Variants in ZNRF3 observed in about 807,000 individuals in gnomAD.
ZNRF3 encodes the protein zinc and ring finger 3.
A neutral mutation model predicts 72.5 loss-of-function variants in ZNRF3; 23 were observed. The ratio of observed to expected loss-of-function variants is 0.32; its 90% CI spans 0.23 to 0.45. The LOEUF (loss-of-function observed/expected upper bound fraction) is 0.45, where lower values mean the gene tolerates loss of function less well. ZNRF3 is among the 20% of genes least tolerant of loss of function. The probability of loss-of-function intolerance (pLI) is 1.00; values close to 1 mark genes in which losing one functional copy is unlikely to be tolerated. For synonymous variants in ZNRF3, 610 were observed against 545.3 expected (o/e 1.12, Z -1.65); for missense variants, 1,169 against 1,272.1 (o/e 0.92, Z 1.23).
intron 1 of ZNRF3, chr22:28,917,304 C>CACACACAT (rs1601555072): frequency 3.4e-6 from 1 of 294,698 alleles, no homozygotes; most frequent in African/African-American, 2.4e-5. Context: ...CACACACACA[C>CACACACAT]GACACTAGGT....
chr22:28,977,570 G>A (rs1416248652), intron 1 of ZNRF3, among the ~76,000 whole-genome samples: 1 of 152,156 alleles, frequency 6.6e-6, no homozygotes, highest in Non-Finnish European at 1.5e-5. Flanking sequence ...GTACCACAGC[G>A]ACACCCTACC....
At chr22:29,023,785 A>T (rs1343643135) in intron 2 of ZNRF3, among the ~76,000 whole-genome samples, 1 of 152,214 alleles carries the variant, frequency 6.6e-6, no homozygotes, top group Non-Finnish European at 1.5e-5. Context: ...CAAATGTCCC[A>T]GCCACCTGGT....
At chr22:28,959,114 A>G (rs917914804) in intron 1 of ZNRF3, among the ~76,000 whole-genome samples, 2 of 152,356 alleles carry the variant, frequency 1.3e-5, no homozygotes, top group Middle Eastern at 6.8e-3. Context: ...GTTTTGTTGC[A>G]AAGCTAGAGC....
At chr22:28,974,082 C>T (rs899492412) in intron 1 of ZNRF3, among the ~76,000 whole-genome samples, 6 of 151,982 alleles carry the variant, frequency 3.9e-5, no homozygotes, top group Non-Finnish European at 5.9e-5. Flanking sequence ...CTCAGCCTCC[C>T]GAGTAGCTGG....
At chr22:29,003,557 A>G (rs985194413) in intron 2 of ZNRF3, among the ~76,000 whole-genome samples, 3 of 151,416 alleles carry the variant, frequency 2.0e-5, no homozygotes, top group African/African-American at 7.3e-5. Flanking sequence ...CGCATCTCTT[A>G]AGAAGTGACT....
At chr22:28,885,666 G>T (rs2033772018) in intron 1 of ZNRF3, among the ~76,000 whole-genome samples, 1 of 149,906 alleles carries the variant, frequency 6.7e-6, no homozygotes, top group African/African-American at 2.4e-5. Context: ...GAAGTTTGCA[G>T]TTTTTATCTG....
chr22:28,939,489 G>A (rs187550920), intron 1 of ZNRF3, among the ~76,000 whole-genome samples: 39 of 152,108 alleles, frequency 2.6e-4, no homozygotes, highest in Non-Finnish European at 4.9e-4. Flanking sequence ...GGAAAGTTCC[G>A]GATAGAAACA....
intron 1 of ZNRF3, among the ~76,000 whole-genome samples, chr22:28,911,185 G>A (rs2034309224): frequency 6.6e-6 from 1 of 152,118 alleles, no homozygotes; most frequent in Admixed American, 6.6e-5. Context: ...TGTAAGTGGG[G>A]AAGAAGCACA....
intron 2 of ZNRF3, among the ~76,000 whole-genome samples, chr22:29,014,784 A>G (rs1272991390): frequency 2.0e-5 from 3 of 152,254 alleles, no homozygotes; most frequent in Non-Finnish European, 2.9e-5. Context: ...GTAAACACAA[A>G]GACAACAAAC....
intron 2 of ZNRF3, among the ~76,000 whole-genome samples, chr22:29,039,192 G>A (rs1383987568): frequency 6.6e-6 from 1 of 152,150 alleles, no homozygotes; most frequent in Non-Finnish European, 1.5e-5. Context: ...GAACCTCTGA[G>A]TCCTTGAGAC....
chr22:28,925,917 G>A (rs1430669410), intron 1 of ZNRF3, among the ~76,000 whole-genome samples: 1 of 152,110 alleles, frequency 6.6e-6, no homozygotes, highest in Non-Finnish European at 1.5e-5. Context: ...TTAGATCCAG[G>A]TCTCCCCTTC....
intron 2 of ZNRF3, among the ~76,000 whole-genome samples, chr22:29,007,846 T>G (rs1366058437): frequency 7.4e-6 from 1 of 134,978 alleles, no homozygotes; most frequent in Non-Finnish European, 1.5e-5. Flanking sequence ...AACCTCCGCC[T>G]CCCAGGTTCA....
intron 1 of ZNRF3, among the ~76,000 whole-genome samples, chr22:28,969,217 A>T (rs984120061): frequency 1.3e-5 from 2 of 152,226 alleles, no homozygotes; most frequent in South Asian, 4.1e-4. Flanking sequence ...CCACCAGAAT[A>T]GAGCTCCCAG....
intron 1 of ZNRF3, among the ~76,000 whole-genome samples, chr22:28,945,115 C>T (rs1357617526): frequency 1.4e-5 from 2 of 141,166 alleles, no homozygotes; most frequent in African/African-American, 5.3e-5. Context: ...CTCAAGAGCT[C>T]AAGACCAGCT....
intron 1 of ZNRF3, among the ~76,000 whole-genome samples, chr22:28,960,615 A>T (rs1290997891): frequency 1.3e-5 from 2 of 152,222 alleles, no homozygotes; most frequent in African/African-American, 4.8e-5. Context: ...CTATATTTTT[A>T]AAAAGGGATA....
intron 1 of ZNRF3, among the ~76,000 whole-genome samples, chr22:28,937,468 C>G (rs891744593): frequency 2.0e-5 from 3 of 151,912 alleles, no homozygotes; most frequent in South Asian, 2.1e-4. Flanking sequence ...CATACTGACC[C>G]CTTTTGCAAG....
At chr22:29,051,603 TAAAA>T (rs1212194016) in intron 8 of ZNRF3, among the ~76,000 whole-genome samples, 11 of 105,022 alleles carry the variant, frequency 1.0e-4, no homozygotes, top group Non-Finnish European at 2.1e-4. Context: ...GACTCTGTCT[TAAAA>T]AAAAAAAAAA....
intron 1 of ZNRF3, among the ~76,000 whole-genome samples, chr22:28,944,702 C>G (rs1311879871): frequency 3.4e-5 from 5 of 148,374 alleles, no homozygotes; most frequent in African/African-American, 1.2e-4. Flanking sequence ...TTGCAGTGAG[C>G]CAAGATTGTG....
At chr22:29,014,174 A>G (rs2036393197) in intron 2 of ZNRF3, among the ~76,000 whole-genome samples, 2 of 152,208 alleles carry the variant, frequency 1.3e-5, no homozygotes, top group African/African-American at 4.8e-5. Flanking sequence ...GACAACAGCA[A>G]GGATCCCAGC....
Sources: allele counts gnomAD v4.1 joint callset (sites outside exome capture counted in the v4.1 genomes callset), GRCh38; gene constraint gnomAD v4.1.1; transcripts MANE v1.5; gene names NCBI Gene and HGNC (gene_info 2026-07-23, HGNC 2026-07-21).